The following TNRC6C variants were observed in gnomAD, a reference collection of about 807,000 sequenced individuals.
TNRC6C encodes the protein trinucleotide repeat-containing gene 6C protein.
TNRC6C carries 20 observed loss-of-function variants against 153.7 expected under a neutral mutation model. The observed-to-expected ratio is 0.13, with a 90% CI of 0.09 to 0.19. The LOEUF (loss-of-function observed/expected upper bound fraction) is 0.19. Among genes scored for constraint, TNRC6C ranks in the 10% least tolerant of loss-of-function variants. The probability of loss-of-function intolerance (pLI) is 1.00; values close to 1 mark genes in which losing one functional copy is unlikely to be tolerated. For synonymous variants in TNRC6C, 811 were observed against 841.4 expected (o/e 0.96, Z 0.63); for missense variants, 1,987 against 2,172.0 (o/e 0.91, Z 1.69).
exon 3 of TNRC6C, chr17:78,050,850 G>A: frequency 6.2e-7 from 1 of 1,613,976 alleles, no homozygotes; most frequent in East Asian, 2.2e-5. Context: ...GTGCAGGAGG[G>A]GGAGATTGGG....
At chr17:77,962,111 T>C (rs2070867117) in intron 1 of TNRC6C, among the ~76,000 whole-genome samples, 1 of 152,212 alleles carries the variant, frequency 6.6e-6, no homozygotes, top group Admixed American at 6.5e-5. Context: ...GATTGTAACT[T>C]AGTCTTGCTT....
chr17:77,998,559 G>T (rs1469562364), intron 1 of TNRC6C, among the ~76,000 whole-genome samples: 1 of 152,034 alleles, frequency 6.6e-6, no homozygotes, highest in East Asian at 1.9e-4. Context: ...ATTTTTCTCT[G>T]TTAAGTTCAC....
exon 9 of TNRC6C, chr17:78,077,187 T>A: frequency 6.2e-7 from 1 of 1,600,006 alleles, no homozygotes; most frequent in East Asian, 2.2e-5. Context: ...CCAATCAGGA[T>A]GGCGGCCTCG....
chr17:78,091,199 T>A (rs2073386778), intron 13 of TNRC6C, among the ~76,000 whole-genome samples: 1 of 152,156 alleles, frequency 6.6e-6, no homozygotes, highest in Admixed American at 6.5e-5. Context: ...TTAAAATATT[T>A]TGCTGTATCC....
chr17:77,962,553 TTTA>T (rs1335934906), intron 1 of TNRC6C, among the ~76,000 whole-genome samples: 1 of 152,148 alleles, frequency 6.6e-6, no homozygotes, highest in Non-Finnish European at 1.5e-5. Context: ...CAGGAACAGA[TTTA>T]TAGACGTCCT....
chr17:78,034,692 G>T (rs919354417), intron 2 of TNRC6C, among the ~76,000 whole-genome samples: 3 of 152,174 alleles, frequency 2.0e-5, no homozygotes, highest in Non-Finnish European at 4.4e-5. Flanking sequence ...GTTTGAGGTC[G>T]GGCGTGGTGG....
chr17:78,071,904 C>T (rs2073004826), intron 6 of TNRC6C, among the ~76,000 whole-genome samples: 1 of 152,184 alleles, frequency 6.6e-6, no homozygotes, highest in South Asian at 2.1e-4. Flanking sequence ...AGGGAGAATT[C>T]ATAATTGTAG....
chr17:78,039,309 G>GCCCCCCCCCCCCCCCCCCCCCCCCCCC (rs11306576), intron 2 of TNRC6C, among the ~76,000 whole-genome samples: 1 of 113,464 alleles, frequency 8.8e-6, no homozygotes, highest in African/African-American at 3.6e-5. Context: ...TTCAAATCTT[G>GCCCCCCCCCCCCCCCCCCCCCCCCCCC]CCCCCCCCCC....
intron 2 of TNRC6C, among the ~76,000 whole-genome samples, chr17:78,037,553 C>T (rs969320987): frequency 3.3e-5 from 5 of 152,112 alleles, no homozygotes; most frequent in African/African-American, 1.2e-4. Context: ...CTGTGCTGGG[C>T]AAAGAAGGTG....
intron 1 of TNRC6C, among the ~76,000 whole-genome samples, chr17:77,967,837 G>T (rs2070910214): frequency 6.6e-6 from 1 of 152,218 alleles, no homozygotes; most frequent in African/African-American, 2.4e-5. Context: ...AAGCCAGAAT[G>T]TCTGGTTAGC....
intron 1 of TNRC6C, among the ~76,000 whole-genome samples, chr17:78,019,084 AAAGG>A (rs1465993258): frequency 3.9e-5 from 6 of 152,148 alleles, no homozygotes; most frequent in African/African-American, 1.4e-4. Context: ...AAGCATAGTG[AAAGG>A]AAGGAAGGTC....
chr17:78,002,582 T>C (rs2071429398), upstream of TNRC6C, among the ~76,000 whole-genome samples: 1 of 152,226 alleles, frequency 6.6e-6, no homozygotes. Flanking sequence ...CCTGCTATAA[T>C]CCCAGAGCAC....
chr17:78,064,478 G>C (rs991300231), intron 3 of TNRC6C, among the ~76,000 whole-genome samples: 2 of 152,020 alleles, frequency 1.3e-5, no homozygotes, highest in African/African-American at 4.8e-5. Context: ...CAGGAGTTGA[G>C]GGCAGCCTGG....
chr17:78,050,242 A>T (rs2072496757), exon 3 of TNRC6C: 1 of 1,540,116 alleles, frequency 6.5e-7, no homozygotes. Flanking sequence ...TTCTGGAACT[A>T]CAGCAAGTGA....
At chr17:78,076,399 A>G (rs2144356292) in intron 8 of TNRC6C, among the ~76,000 whole-genome samples, 1 of 152,236 alleles carries the variant, frequency 6.6e-6, no homozygotes, top group African/African-American at 2.4e-5. Context: ...CTGAGTTCAA[A>G]CTCAGGATGC....
intron 4 of TNRC6C, chr17:78,067,009 C>A (rs1028574010): frequency 6.6e-6 from 1 of 152,160 alleles, no homozygotes; most frequent in Non-Finnish European, 1.5e-5. Context: ...CGCGTGGTTC[C>A]TATGCAAGGA....
chr17:78,018,956 G>A (rs2071781953), intron 1 of TNRC6C, among the ~76,000 whole-genome samples: 1 of 152,240 alleles, frequency 6.6e-6, no homozygotes, highest in South Asian at 2.1e-4. Context: ...GTGGCAGCAG[G>A]TGCTTATGCT....
upstream of TNRC6C, among the ~76,000 whole-genome samples, chr17:77,958,688 AG>A (rs1275164853): frequency 5.4e-5 from 8 of 148,962 alleles, no homozygotes; most frequent in Non-Finnish European, 1.2e-4. Context: ...AAGCGGGGGG[AG>A]GGGGGTTCTT....
intron 2 of TNRC6C, among the ~76,000 whole-genome samples, chr17:78,044,029 T>G (rs888523795): frequency 2.0e-5 from 3 of 152,196 alleles, no homozygotes; most frequent in African/African-American, 7.2e-5. Flanking sequence ...ACATCGAAGC[T>G]CTCTCTTCAA....
Sources: gnomAD v4.1 joint callset for allele counts (sites outside exome capture counted in the v4.1 genomes callset) on GRCh38, gnomAD v4.1.1 for gene constraint, MANE v1.5 for transcripts, NCBI Gene and HGNC (gene_info 2026-07-23, HGNC 2026-07-21) for gene names.